H3-3B: variants seen among roughly 807,000 people sequenced by gnomAD.
H3-3B encodes H3.3 histone B.
H3-3B carries 2 observed loss-of-function variants against 13.1 expected under a neutral mutation model. The ratio of observed to expected loss-of-function variants is 0.15; its 90% confidence interval spans 0.06 to 0.48. The LOEUF (loss-of-function observed/expected upper bound fraction) is 0.48. H3-3B is among the 20% of genes least tolerant of loss of function. The pLI is 0.97. For missense variants in H3-3B, 39 were observed against 186.0 expected, an observed-to-expected ratio of 0.21 and a Z score of 4.60; for synonymous variants, 133 against 75.8, an observed-to-expected ratio of 1.76 and a Z score of -3.92.
chr17:75,777,748 CACACA>C lies in H3-3B; in HGVS notation c.*842_*846del, dbSNP rs746646268. On this transcript the variant is annotated 3_prime_UTR_variant, in exon 4 of 4. Transcript: ENST00000254810. ...AACTCAACCTAGTTATGAGACCAAC[CACACA>C]ACACAATGAAAAGCTGCACTAACTA... is the stretch of plus-strand genomic sequence containing the variant. 1.3e-5 allele frequency: 2 copies of C among 152,448 alleles called. No homozygotes were observed. The highest frequency in any genetic ancestry group is 4.8e-5 in the African/African-American group (2 of 41,446). The allele number at this position is 152,448 out of a possible 1,614,324, so 9.4% of individuals were successfully genotyped here.
At position 75,777,947 on chromosome 17, in the gene H3-3B, G is replaced by C. The variant is rs1266059737; in HGVS notation, c.*648C>G. ...TGCGCATAGCATTTTACTACTATGA[G>C]AACAAGTGCAGTCAGAAGAAAACCA... On this transcript the variant is annotated 3_prime_UTR_variant, in exon 4 of 4. Coordinates refer to ENST00000254810, the MANE Select transcript of H3-3B (RefSeq NM_005324.5). The C allele has an allele frequency of 6.6e-6, 1 of 152,604 alleles. No individual in the cohort carries two copies. The highest frequency in any genetic ancestry group is 1.5e-5 in the Non-Finnish European group (1 of 68,040). The allele number at this position is 152,604 out of a possible 1,614,324, so 9.5% of individuals were successfully genotyped here.
rs1314871764 is a variant in H3-3B, at chr17:75,777,954, T to C, written c.*641A>G. On this transcript the variant is annotated 3_prime_UTR_variant, in exon 4 of 4. Transcript: ENST00000254810. ...AGCATTTTACTACTATGAGAACAAGTGCAGTCAGAAGAAAACCAACTGGAC... is the reference window on the plus strand; with the variant it reads ...AGCATTTTACTACTATGAGAACAAGCGCAGTCAGAAGAAAACCAACTGGAC... 6.6e-6 allele frequency: 1 copy of C among 152,622 alleles called. No homozygotes were observed. The highest frequency in any genetic ancestry group is 1.5e-5 in the Non-Finnish European group (1 of 68,052). The allele number at this position is 152,622 out of a possible 1,614,324, so 9.5% of individuals were successfully genotyped here.
At position 75,778,993 on chromosome 17, in the gene H3-3B, C is replaced by T. The variant is rs371984165; in HGVS notation, c.129-30G>A. The T allele has an allele frequency of 1.4e-5, 22 of 1,613,372 alleles. No individual in the cohort carries two copies. In the African/African-American group the frequency reaches 1.9e-4, roughly 14 times the overall value. On this transcript the variant is annotated intron_variant, in intron 2 of 3. Transcript: ENST00000254810. ...AGCGAGCAGGGGAGGAGTGAGCGGA[C>T]GCTGCCGCACAAAGCCGGCCACCGC...
Position 75,778,801 on chromosome 17 carries a change from T to TTAA in H3-3B, c.282+8_282+9insTTA. ...CCAGCCCTCCCCCGGCTCCAGGCCT[T>TTAA]TGTCTTACCTGCAGCGCACCGATGG... On this transcript the variant is annotated intron_variant, in intron 3 of 3. Coordinates refer to ENST00000254810, the MANE Select transcript of H3-3B (RefSeq NM_005324.5). 1 of 1,614,134 alleles carries TTAA rather than the reference T, an allele frequency of 6.2e-7. No individual in the cohort carries two copies. Among genetic ancestry groups the TTAA allele is most frequent in the South Asian group, 1.1e-5 (1 of 91,082 alleles).
rs1392777164 is a variant in H3-3B at position 75,778,628 on chromosome 17, C to A, written c.378G>T (p.Gln126His). Residue 126 changes from glutamine to histidine, a missense_variant, in exon 4 of 4, where the codon CAG becomes CAT. Coordinates refer to ENST00000254810, the MANE Select transcript of H3-3B (RefSeq NM_005324.5). ...TCTCTCCCCGTATCCGGCGAGCCAA[C>A]TGGATGTCTTTGGGCATGATGGTGA... ...KRVTIMPKDIQLARRIRGERA is the reference protein window; with the variant it reads ...KRVTIMPKDIHLARRIRGERA 1 of 1,614,218 alleles carries A rather than the reference C, an allele frequency of 6.2e-7. No individual in the cohort carries two copies.
At position 75,779,179 on chromosome 17, in the gene H3-3B, T is replaced by C; in HGVS notation, c.-5A>G. On this transcript the variant is annotated 5_prime_UTR_variant, in exon 2 of 4. Transcript: ENST00000254810. ...AGTCTGCTTGGTTCGGGCCATTTTC[T>C]TTCACCTAAGAAAGACGCCCCGAAG... 4 of 1,523,700 alleles carry C rather than the reference T, an allele frequency of 2.6e-6. No homozygotes were observed. Among genetic ancestry groups the C allele is most frequent in the Non-Finnish European group, 3.5e-6 (4 of 1,139,518 alleles). The allele number at this position is 1,523,700 out of a possible 1,614,324, so 94.4% of individuals were successfully genotyped here.
Position 75,778,470 on chromosome 17 carries a change from T to G in H3-3B, c.*125A>C. Reference sequence around the variant, plus strand: ...AGTCACTTTTCGCATTCATCCTGAGTGAAAGATGGAATGACTTAAGTACAA... The same window carrying G: ...AGTCACTTTTCGCATTCATCCTGAGGGAAAGATGGAATGACTTAAGTACAA... On this transcript the variant is annotated 3_prime_UTR_variant, in exon 4 of 4. Coordinates refer to ENST00000254810, the MANE Select transcript of H3-3B (RefSeq NM_005324.5). 7.5e-7 allele frequency: 1 copy of G among 1,341,794 alleles called. No individual in the cohort carries two copies. 83.1% of individuals were successfully genotyped at this position (1,341,794 alleles called of 1,614,324 possible).
chr17:75,776,539 C>G lies in H3-3B; in HGVS notation c.*2056G>C, dbSNP rs999357371. ...TTTGCCTCTGCTCCTTTACCCTTACCGAGGGATATCCCATACAGGAAGCCG... is the reference window on the plus strand; with the variant it reads ...TTTGCCTCTGCTCCTTTACCCTTACGGAGGGATATCCCATACAGGAAGCCG... On this transcript the variant is annotated 3_prime_UTR_variant, in exon 4 of 4. Transcript: ENST00000254810. The G allele has an allele frequency of 6.6e-6, 1 of 152,188 alleles. No homozygotes were observed. The highest frequency in any genetic ancestry group is 2.4e-5 in the African/African-American group (1 of 41,452). The allele number at this position is 152,188 out of a possible 1,614,324, so 9.4% of individuals were successfully genotyped here.
chr17:75,778,560 A>C lies in H3-3B; in HGVS notation c.*35T>G, dbSNP rs2061650529. 4.4e-6 allele frequency: 7 copies of C among 1,590,142 alleles called. No individual in the cohort carries two copies. Among genetic ancestry groups the C allele is most frequent in the Non-Finnish European group, 6.0e-6 (7 of 1,168,896 alleles). On this transcript the variant is annotated 3_prime_UTR_variant, in exon 4 of 4. Transcript: ENST00000254810. ...CAAATTAAACCAAAGTATTTTACAG[A>C]ATTTACTACAAAACGCCATAAAAAC...
At position 75,776,737 on chromosome 17, in the gene H3-3B, T is replaced by TTA. The variant is rs2061639205; in HGVS notation, c.*1857_*1858insTA. 1 of 152,254 alleles carries TTA rather than the reference T, an allele frequency of 6.6e-6. No individual in the cohort carries two copies. The highest frequency in any genetic ancestry group is 1.5e-5 in the Non-Finnish European group (1 of 68,052). 9.4% of individuals were successfully genotyped at this position (152,254 alleles called of 1,614,324 possible). ...TGTCACCCACTTGGGTTGTCACAGG[T>TTA]AGTAAGCAGAAGCTAACTCATCACC... On this transcript the variant is annotated 3_prime_UTR_variant, in exon 4 of 4. Coordinates refer to ENST00000254810, the MANE Select transcript of H3-3B (RefSeq NM_005324.5).
rs2061640458 is a variant in H3-3B at position 75,776,940 on chromosome 17, CACG to C, written c.*1652_*1654del. On this transcript the variant is annotated 3_prime_UTR_variant, in exon 4 of 4. Coordinates refer to ENST00000254810, the MANE Select transcript of H3-3B (RefSeq NM_005324.5). The stretch of plus-strand genomic sequence containing the variant: ...GCATCCTTTCATAGGAGCTCATTAT[CACG>C]ACCTGAAAGATACCTACTTTACCTT... 2 of 152,210 alleles carry C rather than the reference CACG, an allele frequency of 1.3e-5. No individual in the cohort carries two copies. The highest frequency in any genetic ancestry group is 1.3e-4 in the Admixed American group (2 of 15,280). 9.4% of individuals were successfully genotyped at this position (152,210 alleles called of 1,614,324 possible).
rs2061652146 is a variant in H3-3B at position 75,778,876 on chromosome 17, C to T, written c.216G>A (p.Val72=). The change falls in exon 3 of 4, where the codon GTG becomes GTA. Residue 72 remains valine, a synonymous_variant. Transcript: ENST00000254810. The part of the protein sequence containing the change: ...LIRKLPFQRL[V]REIAQDFKTD... ...TTTTGAAATCCTGCGCGATCTCCCT[C>T]ACCAACCTCTGGAAGGGCAGCTTCC... is the stretch of plus-strand genomic sequence containing the variant. 6.2e-7 allele frequency: 1 copy of T among 1,614,202 alleles called. No individual in the cohort carries two copies. The highest frequency in any genetic ancestry group is 2.2e-5 in the East Asian group (1 of 44,888).
chr17:75,778,841 C>A lies in H3-3B; in HGVS notation c.251G>T (p.Arg84Met). 1 of 1,614,204 alleles carries A rather than the reference C, an allele frequency of 6.2e-7. No homozygotes were observed. Among genetic ancestry groups the A allele is most frequent in the Non-Finnish European group, 8.5e-7 (1 of 1,180,040 alleles). Residue 84 changes from arginine to methionine, a missense_variant, in exon 3 of 4, where the codon AGG becomes ATG. By Grantham distance (91) the Arg-to-Met change is moderately conservative. Transcript: ENST00000254810. Reference protein sequence around the residue: ...EIAQDFKTDLRFQSAAIGALQ... With the variant: ...EIAQDFKTDLMFQSAAIGALQ... ...CGCACCGATGGCTGCGCTCTGAAAC[C>A]TCAGGTCGGTTTTGAAATCCTGCGC...
chr17:75,778,729 G>A lies in H3-3B; in HGVS notation c.283-6C>T, dbSNP rs2061651291. On this transcript the variant is annotated splice_region_variant and splice_polypyrimidine_tract_variant and intron_variant, in intron 3 of 3. Coordinates refer to ENST00000254810, the MANE Select transcript of H3-3B (RefSeq NM_005324.5). ...AGGTACGCTTCGCTAGCCTCCTGTTGAGGACGAGAGCCGCACTATTAATCC... is the reference window on the plus strand; with the variant it reads ...AGGTACGCTTCGCTAGCCTCCTGTTAAGGACGAGAGCCGCACTATTAATCC... The A allele has an allele frequency of 3.1e-6, 5 of 1,614,164 alleles. No individual in the cohort carries two copies. Among genetic ancestry groups the A allele is most frequent in the Non-Finnish European group, 4.2e-6 (5 of 1,180,026 alleles).
rs2061652207 is a variant in H3-3B, at chr17:75,778,892, G to A, written c.200C>T (p.Pro67Leu). Residue 67 changes from proline (P) to leucine (L), a missense_variant, in exon 3 of 4, where the codon CCC (proline) becomes CTC (leucine). By Grantham distance (98) the Pro-to-Leu change is moderately conservative. Coordinates refer to ENST00000254810, the MANE Select transcript of H3-3B (RefSeq NM_005324.5). ...KSTELLIRKL[P>L]FQRLVREIAQ... ...GATCTCCCTCACCAACCTCTGGAAG[G>A]GCAGCTTCCGGATGAGCAGCTCGGT... 6.2e-7 allele frequency: 1 copy of A among 1,614,008 alleles called. No individual in the cohort carries two copies. Among genetic ancestry groups the A allele is most frequent in the African/African-American group, 1.3e-5 (1 of 74,918 alleles).
Position 75,777,941 on chromosome 17 carries a change from CTAT to C in H3-3B, c.*651_*653del, listed in dbSNP as rs1021219030. 8 of 152,602 alleles carry C rather than the reference CTAT, an allele frequency of 5.2e-5. No homozygotes were observed. The highest frequency in any genetic ancestry group is 3.3e-4 in the Admixed American group (5 of 15,280). 9.5% of individuals were successfully genotyped at this position (152,602 alleles called of 1,614,324 possible). ...TATAAATGCGCATAGCATTTTACTA[CTAT>C]GAGAACAAGTGCAGTCAGAAGAAAA... On this transcript the variant is annotated 3_prime_UTR_variant, in exon 4 of 4. Transcript: ENST00000254810.
rs1000847097 is a variant in H3-3B, at chr17:75,776,828, TAATCTCATTCTGAAGCACAGTGAGGAATC to T, written c.*1738_*1766del. On this transcript the variant is annotated 3_prime_UTR_variant, in exon 4 of 4. Transcript: ENST00000254810. ...CATAGCACGTTCCAACATCTGATCT[TAATCTCATTCTGAAGCACAGTGAGGAATC>T]AAGTGTGCTTGTTCCAGAGCTGATT... The T allele has an allele frequency of 2.0e-5, 3 of 152,216 alleles. No individual in the cohort carries two copies. Among genetic ancestry groups the T allele is most frequent in the African/African-American group, 4.8e-5 (2 of 41,434 alleles). 9.4% of individuals were successfully genotyped at this position (152,216 alleles called of 1,614,324 possible).
rs2061650667 is a variant in H3-3B at position 75,778,582 on chromosome 17, A to G, written c.*13T>C. On this transcript the variant is annotated 3_prime_UTR_variant, in exon 4 of 4. Coordinates refer to ENST00000254810, the MANE Select transcript of H3-3B (RefSeq NM_005324.5). ...CAGAATTTACTACAAAACGCCATAA[A>G]AACTGCCTTCACTTAAGCTCTCTCT... is the stretch of plus-strand genomic sequence containing the variant. 6.2e-7 allele frequency: 1 copy of G among 1,604,020 alleles called. No homozygotes were observed. Among genetic ancestry groups the G allele is most frequent in the African/African-American group, 1.3e-5 (1 of 74,510 alleles).
Position 75,778,502 on chromosome 17 carries a change from C to T in H3-3B, c.*93G>A. Reference sequence around the variant, plus strand: ...TGGAATGACTTAAGTACAAATGCAACATATTATAAACAATTTCTTACAAAA... The same window carrying T: ...TGGAATGACTTAAGTACAAATGCAATATATTATAAACAATTTCTTACAAAA... On this transcript the variant is annotated 3_prime_UTR_variant, in exon 4 of 4. Transcript: ENST00000254810. 6.7e-7 allele frequency: 1 copy of T among 1,501,542 alleles called. No homozygotes were observed. The highest frequency in any genetic ancestry group is 9.0e-7 in the Non-Finnish European group (1 of 1,109,174). 93.0% of individuals were successfully genotyped at this position (1,501,542 alleles called of 1,614,324 possible). A position where few individuals can be genotyped will look rare whatever the true frequency, so the allele number is the denominator to read the frequency against.
Sources: allele counts gnomAD v4.1 joint callset, GRCh38; gene constraint gnomAD v4.1.1; transcripts MANE v1.5; gene names NCBI Gene and HGNC (gene_info 2026-07-23, HGNC 2026-07-21).